The following TXNRD3 variants were observed in gnomAD, a reference collection of about 807,000 sequenced individuals.
TXNRD3 encodes thioredoxin reductase 3, also known as TXNRD3 neighbor gene protein.
Under a neutral mutation model 78.2 loss-of-function variants are expected in TXNRD3, and 68 were observed. The ratio of observed to expected loss-of-function variants is 0.87; its 90% CI spans 0.72 to 1.06. The LOEUF (loss-of-function observed/expected upper bound fraction) is 1.06, where lower values mean the gene tolerates loss of function less well. Among genes scored for constraint, TXNRD3 ranks in the 50% least tolerant of loss-of-function variants. The probability of loss-of-function intolerance (pLI) is 0.00; values close to 1 mark genes in which losing one functional copy is unlikely to be tolerated. For synonymous variants in TXNRD3, 296 were observed against 300.1 expected (o/e 0.99, Z 0.14); for missense variants, 751 against 809.5 (o/e 0.93, Z 0.88).
At chr3:126,619,506 A>T (rs1225411037) in intron 12 of TXNRD3, among the ~76,000 whole-genome samples, 1 of 152,202 alleles carries the variant, frequency 6.6e-6, no homozygotes, top group Non-Finnish European at 1.5e-5. Context: ...GAGCTAAAAA[A>T]GTTGATCTTA....
chr3:126,634,638 C>T (rs868039054), intron 6 of TXNRD3, among the ~76,000 whole-genome samples: 2 of 152,152 alleles, frequency 1.3e-5, no homozygotes, highest in Admixed American at 6.5e-5. Flanking sequence ...TGGAATTCCA[C>T]GTCATCCCTG....
At chr3:126,620,294 CAAAAAAAA>C (rs10539573) in intron 12 of TXNRD3, among the ~76,000 whole-genome samples, 1 of 99,528 alleles carries the variant, frequency 1.0e-5, no homozygotes. Flanking sequence ...GACTCTGTCT[CAAAAAAAA>C]AAAAAAAAAA....
At chr3:126,618,619 A>AAAC (rs1938368773) in intron 12 of TXNRD3, among the ~76,000 whole-genome samples, 1 of 152,206 alleles carries the variant, frequency 6.6e-6, no homozygotes, top group Admixed American at 6.5e-5. Context: ...TACTAGAGGA[A>AAAC]AACAGGAGAA....
chr3:126,622,644 T>C (rs1055732193), intron 10 of TXNRD3, 104 bp from the exon 11 acceptor site: 42 of 820,986 alleles, frequency 5.1e-5, no homozygotes, highest in Middle Eastern at 2.4e-4. Context: ...TAATGGAATA[T>C]TACAAACAAT....
In TXNRD3 at chr3:126,654,791, C is replaced by T; in HGVS notation, c.200G>A (p.Arg67Gln). 2.1e-6 allele frequency: 3 copies of T among 1,431,082 alleles called. No individual in the cohort carries two copies. Among genetic ancestry groups the T allele is most frequent in the Non-Finnish European group, 2.7e-6 (3 of 1,093,322 alleles). 88.6% of individuals were successfully genotyped at this position (1,431,082 alleles called of 1,614,324 possible). A position where few individuals can be genotyped will look rare whatever the true frequency, so the allele number is the denominator to read the frequency against. ...GTAGCTCTTGCTGAAGATCACCACC[C>T]GGCTGCGCTCGATGAGGCCCACGAG... Residue 67 changes from arginine (R) to glutamine (Q), a missense_variant, in exon 1 of 16, where the codon CGG becomes CAG. Arg to Gln is a conservative substitution (Grantham distance 43). Coordinates refer to ENST00000524230, the MANE Select transcript of TXNRD3 (RefSeq NM_052883.3).
At chr3:126,633,026 C>T (rs1228021784) in intron 7 of TXNRD3, among the ~76,000 whole-genome samples, 1 of 152,128 alleles carries the variant, frequency 6.6e-6, no homozygotes, top group African/African-American at 2.4e-5. Context: ...TAATATAATT[C>T]AAATTGGCCC....
At chr3:126,654,223 A>C (rs1334441816) in intron 1 of TXNRD3, among the ~76,000 whole-genome samples, 1 of 152,120 alleles carries the variant, frequency 6.6e-6, no homozygotes, top group African/African-American at 2.4e-5. Flanking sequence ...CATGAACTCA[A>C]CCCAATAGTT....
intron 8 of TXNRD3, 50 bp downstream of exon 8, chr3:126,631,714 T>C (rs1204172810): frequency 2.6e-6 from 3 of 1,161,458 alleles, no homozygotes; most frequent in Non-Finnish European, 2.5e-6. Flanking sequence ...AACATGTCAA[T>C]ATAATTCAAT....
chr3:126,611,892 A>G (rs540002126), intron 13 of TXNRD3, among the ~76,000 whole-genome samples: 80 of 152,332 alleles, frequency 5.3e-4, no homozygotes, highest in Non-Finnish European at 9.1e-4. Context: ...AGGGAAAAGC[A>G]TTAATTGCTG....
intron 15 of TXNRD3, 63 bp downstream of exon 15, chr3:126,608,436 C>T (rs571557594): frequency 6.9e-7 from 1 of 1,442,194 alleles, no homozygotes; most frequent in Non-Finnish European, 9.1e-7. Flanking sequence ...CTGACAAGTG[C>T]TTTATAATAG....
intron 5 of TXNRD3, 118 bp from the exon 6 acceptor site, chr3:126,642,269 A>C (rs1471829170): frequency 2.3e-6 from 3 of 1,279,898 alleles, no homozygotes; most frequent in Non-Finnish European, 3.1e-6. Context: ...ATGACACCCC[A>C]CCCCAAAATA....
At chr3:126,634,652 CT>C (rs1223298895) in intron 6 of TXNRD3, among the ~76,000 whole-genome samples, 2 of 152,118 alleles carry the variant, frequency 1.3e-5, no homozygotes, top group African/African-American at 4.8e-5. Context: ...ATCCCTGTAT[CT>C]TCTAGGTGGG....
At chr3:126,630,589 T>C (rs1302460234) in intron 9 of TXNRD3, 123 bp downstream of exon 9, 2 of 1,062,076 alleles carry the variant, frequency 1.9e-6, no homozygotes, top group East Asian at 2.6e-5. Context: ...CTCTGTAGAC[T>C]TGGGAGTGGA....
intron 10 of TXNRD3, among the ~76,000 whole-genome samples, chr3:126,623,471 T>C (rs1938501762): frequency 6.6e-6 from 1 of 152,144 alleles, no homozygotes; most frequent in Non-Finnish European, 1.5e-5. Flanking sequence ...AAGTCAAACA[T>C]AGCAATATAT....
At position 126,615,398 on chromosome 3, in the gene TXNRD3, G is replaced by A. The variant is rs1576281103; in HGVS notation, c.1589C>T (p.Ser530Phe). 6.6e-7 allele frequency: 1 copy of A among 1,520,220 alleles called. No individual in the cohort carries two copies. The highest frequency in any genetic ancestry group is 8.8e-7 in the Non-Finnish European group (1 of 1,139,598). The allele number at this position is 1,520,220 out of a possible 1,614,324, so 94.2% of individuals were successfully genotyped here. A position where few individuals can be genotyped will look rare whatever the true frequency, so the allele number is the denominator to read the frequency against. ...ATATACTTCAATAGCTTTCTCTTCAGATAATCCACAGCAACCATACTCCAG... is the reference window on the plus strand; with the variant it reads ...ATATACTTCAATAGCTTTCTCTTCAAATAATCCACAGCAACCATACTCCAG... The change falls in exon 13 of 16, where the codon TCT (serine) becomes TTT (phenylalanine). Residue 530 changes from serine to phenylalanine, a missense_variant. Coordinates refer to ENST00000524230, the MANE Select transcript of TXNRD3 (RefSeq NM_052883.3).
At chr3:126,633,876 G>T in intron 7 of TXNRD3, 33 bp downstream of exon 7, 1 of 1,436,502 alleles carries the variant, frequency 7.0e-7, no homozygotes, top group African/African-American at 1.4e-5. Flanking sequence ...TGTAAAGAAA[G>T]GAGATGAACA....
chr3:126,624,392 C>T (rs1414175954), intron 10 of TXNRD3, among the ~76,000 whole-genome samples: 1 of 151,766 alleles, frequency 6.6e-6, no homozygotes, highest in South Asian at 2.1e-4. Context: ...ATGAGAAGAG[C>T]ACAGAAATAG....
At chr3:126,635,702 T>A (rs79881894) in intron 6 of TXNRD3, among the ~76,000 whole-genome samples, 1 of 152,200 alleles carries the variant, frequency 6.6e-6, no homozygotes, top group Non-Finnish European at 1.5e-5. Flanking sequence ...ACATCCTCTA[T>A]AAAAGCATAG....
At chr3:126,642,277 A>T in intron 5 of TXNRD3, 126 bp from the exon 6 acceptor site, 1 of 1,252,608 alleles carries the variant, frequency 8.0e-7, no homozygotes, top group East Asian at 2.7e-5. Context: ...CCACCCCAAA[A>T]TAAGACACAA....
Sources: gnomAD v4.1 joint callset for allele counts (sites outside exome capture counted in the v4.1 genomes callset) on GRCh38, gnomAD v4.1.1 for gene constraint, MANE v1.5 for transcripts, NCBI Gene and HGNC (gene_info 2026-07-23, HGNC 2026-07-21) for gene names.